The following JADE3 variants were observed in gnomAD, a reference collection of about 807,000 sequenced individuals.
The protein encoded by JADE3 is jade family PHD finger 3.
A neutral mutation model predicts 50.1 loss-of-function variants in JADE3; 2 were observed. That is an observed-to-expected ratio of 0.04 (90% CI 0.02 to 0.13). The LOEUF (loss-of-function observed/expected upper bound fraction) is 0.13, where lower values mean the gene tolerates loss of function less well. Among genes scored for constraint, JADE3 ranks in the 10% least tolerant of loss-of-function variants. The pLI, the probability that JADE3 is intolerant of heterozygous loss-of-function variation, is 1.00. For missense variants in JADE3, 475 were observed against 634.4 expected (o/e 0.75, Z 2.70); for synonymous variants, 218 against 232.9 (o/e 0.94, Z 0.58).
chrX:46,967,593 T>C (rs1375319441), intron 1 of JADE3, among the ~76,000 whole-genome samples: 1 of 111,560 alleles, frequency 9.0e-6, no homozygotes, highest in Non-Finnish European at 1.9e-5. Context: ...TTAAAACAAT[T>C]CAGGGGTAAC....
chrX:47,052,633 CAAAAAAAAAAA>C (rs1195947563), intron 8 of JADE3, among the ~76,000 whole-genome samples: 3 of 18,922 alleles, frequency 1.6e-4, no homozygotes, highest in South Asian at 4.2e-3. Context: ...GACTCTGTCT[CAAAAAAAAAAA>C]AAAAAAAAAA....
chrX:47,018,497 C>T (rs1928724792), intron 4 of JADE3, among the ~76,000 whole-genome samples: 2 of 110,191 alleles, frequency 1.8e-5, no homozygotes, highest in African/African-American at 6.6e-5. Context: ...CCACGCCCAG[C>T]TAATTTTTTG....
chrX:46,929,453 C>T (rs1926445921), intron 1 of JADE3, among the ~76,000 whole-genome samples: 1 of 111,861 alleles, frequency 8.9e-6, no homozygotes, highest in South Asian at 3.7e-4. Flanking sequence ...TCCGTGTAGA[C>T]ACTTGCCTTT....
chrX:46,920,325 A>G (rs1399790459), intron 1 of JADE3, among the ~76,000 whole-genome samples: 1 of 112,669 alleles, frequency 8.9e-6, no homozygotes, highest in African/African-American at 3.2e-5. Context: ...ACATGAGTGG[A>G]ATCATGCAAT....
Position 46,985,700 on chromosome X carries a change from T to C in JADE3, c.47-13T>C. On this transcript the variant is annotated splice_polypyrimidine_tract_variant and intron_variant, in intron 2 of 10. Transcript: ENST00000614628. ...AATGTGTCTCAGTATTTTTTTCTAA[T>C]TATCTTTCACAGGTCCTTCCACTTC... The C allele has an allele frequency of 8.7e-7, 1 of 1,143,578 alleles. No individual in the cohort carries two copies. The highest frequency in any genetic ancestry group is 1.2e-6 in the Non-Finnish European group (1 of 836,106). The allele number at this position is 1,143,578 out of a possible 1,213,427, so 94.2% of individuals were successfully genotyped here.
At chrX:47,032,814 A>G (rs1196803111) in intron 6 of JADE3, among the ~76,000 whole-genome samples, 1 of 111,263 alleles carries the variant, frequency 9.0e-6, no homozygotes, top group African/African-American at 3.3e-5. Context: ...CTTGAATCTG[A>G]GTTGAGGGTG....
chrX:46,933,393 TATAAG>T lies in JADE3; in HGVS notation c.-12+20676_-12+20680del, dbSNP rs781833153. Among the ~76,000 whole-genome samples, 33 of 112,471 alleles carry T rather than the reference TATAAG, an allele frequency of 2.9e-4. 1 individual carries two copies. Among genetic ancestry groups the T allele is most frequent in the Middle Eastern group, 4.6e-3 (1 of 218 alleles). On this transcript the variant is annotated intron_variant, in intron 1 of 10. Transcript: ENST00000614628. Reference sequence around the variant, plus strand: ...TTAACAAAAGCTTAGTTATATACAGTATAAGACCACTGAATATTAAACACACAAAT... The same window carrying T: ...TTAACAAAAGCTTAGTTATATACAGTACCACTGAATATTAAACACACAAAT...
At chrX:47,035,567 A>G (rs1929117399) in intron 7 of JADE3, among the ~76,000 whole-genome samples, 1 of 111,441 alleles carries the variant, frequency 9.0e-6, no homozygotes, top group Non-Finnish European at 1.9e-5. Context: ...GAGCTCTTTA[A>G]AAACAAAATA....
intron 3 of JADE3, among the ~76,000 whole-genome samples, chrX:46,990,081 C>CT (rs1341440686): frequency 6.6e-5 from 1 of 15,139 alleles, no homozygotes; most frequent in African/African-American, 7.5e-5. Context: ...CTGAGACTTT[C>CT]TGTTTTTTGT....
chrX:47,058,672 C>T lies in JADE3; in HGVS notation c.2067C>T (p.Asp689=). The change falls in exon 11 of 11, where the codon GAC becomes GAT. Residue 689 remains aspartate, a synonymous_variant. Transcript: ENST00000614628. ...QKDSSSEMFC[D]QEPVFSPHLV... The stretch of plus-strand genomic sequence containing the variant: ...ACAGCTCGAGTGAGATGTTCTGTGA[C>T]CAGGAGCCTGTGTTCAGCCCCCACT... 8.3e-7 allele frequency: 1 copy of T among 1,211,388 alleles called. No homozygotes were observed. The highest frequency in any genetic ancestry group is 1.8e-5 in the South Asian group (1 of 56,869).
At chrX:47,052,353 C>G (rs781836903) in intron 8 of JADE3, among the ~76,000 whole-genome samples, 7 of 109,640 alleles carry the variant, frequency 6.4e-5, no homozygotes, top group Non-Finnish European at 9.5e-5. Flanking sequence ...CACAGTGGGC[C>G]AGGCACAGTG....
At chrX:46,927,640 A>G (rs1276554924) in intron 1 of JADE3, among the ~76,000 whole-genome samples, 1 of 112,259 alleles carries the variant, frequency 8.9e-6, no homozygotes, top group East Asian at 2.8e-4. Context: ...CAGGAGATCC[A>G]CCTGCTTTGG....
chrX:47,006,420 A>C (rs1040540579), intron 4 of JADE3, among the ~76,000 whole-genome samples: 1 of 107,029 alleles, frequency 9.3e-6, no homozygotes, highest in Non-Finnish European at 1.9e-5. Context: ...AGTAGCTGGG[A>C]CTACAGGCGC....
At chrX:47,029,763 A>AAG (rs1928978674) in intron 6 of JADE3, among the ~76,000 whole-genome samples, 4 of 112,077 alleles carry the variant, frequency 3.6e-5, no homozygotes, top group African/African-American at 1.3e-4. Flanking sequence ...TGGCATTTAT[A>AAG]TCAGACTTTA....
At chrX:47,043,800 C>CA (rs1326045388) in intron 8 of JADE3, among the ~76,000 whole-genome samples, 1 of 96,434 alleles carries the variant, frequency 1.0e-5, no homozygotes, top group Admixed American at 1.2e-4. Flanking sequence ...GCCTGGGCGA[C>CA]AGAGTGAGAC....
chrX:46,982,368 A>G (rs1389339664), intron 1 of JADE3, among the ~76,000 whole-genome samples: 1 of 111,254 alleles, frequency 9.0e-6, no homozygotes, highest in Admixed American at 9.6e-5. Flanking sequence ...TATTGTCATC[A>G]TACCTTCCTT....
Position 47,060,568 on chromosome X carries a change from C to G in JADE3, c.*1491C>G, listed in dbSNP as rs1556375019. On this transcript the variant is annotated 3_prime_UTR_variant, in exon 11 of 11. Coordinates refer to ENST00000614628, the MANE Select transcript of JADE3 (RefSeq NM_014735.5). ...TTCTTGTAACGTTGTTAATGGGTTC[C>G]TTTGCTTTTTGCTTTCTCCTTTTCT... is the stretch of plus-strand genomic sequence containing the variant. The G allele has an allele frequency of 8.9e-6, 1 of 111,893 alleles. No homozygotes were observed. The highest frequency in any genetic ancestry group is 3.2e-5 in the African/African-American group (1 of 30,786). The allele number at this position is 111,893 out of a possible 1,213,427, so 9.2% of individuals were successfully genotyped here.
chrX:46,953,436 T>C (rs1445365937), intron 1 of JADE3, among the ~76,000 whole-genome samples: 12 of 111,711 alleles, frequency 1.1e-4, no homozygotes, highest in Non-Finnish European at 1.9e-4. Context: ...CCTGCTGTTA[T>C]ATACTTTTAA....
chrX:46,994,220 T>C (rs1414479379), intron 3 of JADE3, among the ~76,000 whole-genome samples: 3 of 112,350 alleles, frequency 2.7e-5, no homozygotes, highest in Non-Finnish European at 5.6e-5. Flanking sequence ...TTTCATTTTG[T>C]GGCTCTGGCA....
Sources: allele counts gnomAD v4.1 joint callset (sites outside exome capture counted in the v4.1 genomes callset), GRCh38; gene constraint gnomAD v4.1.1; transcripts MANE v1.5; gene names NCBI Gene and HGNC (gene_info 2026-07-23, HGNC 2026-07-21).